The following MS4A18 variants were observed in gnomAD, a reference collection of about 807,000 sequenced individuals.
The protein encoded by MS4A18 is membrane spanning 4-domains A18.
Under a neutral mutation model 13.1 loss-of-function variants are expected in MS4A18, and 27 were observed. That is an observed-to-expected ratio of 2.06 (90% confidence interval 1.52 to 2.84). The LOEUF is 2.84. Among genes scored for constraint, MS4A18 ranks in the 30% most tolerant of loss-of-function variants. MS4A18 has a pLI of 0.00. For synonymous variants in MS4A18, 126 were observed against 76.5 expected, an observed-to-expected ratio of 1.65 and a Z score of -3.38; for missense variants, 307 against 196.4, an observed-to-expected ratio of 1.56 and a Z score of -3.37.
chr11:60,737,956 G>A (rs1439582968), intron 3 of MS4A18, among the ~76,000 whole-genome samples: 2 of 152,308 alleles, frequency 1.3e-5, no homozygotes, highest in Admixed American at 1.3e-4. Context: ...CACACCACCT[G>A]TTCATATCCC....
chr11:60,738,339 T>C (rs774482882), intron 3 of MS4A18, among the ~76,000 whole-genome samples: 41 of 152,218 alleles, frequency 2.7e-4, no homozygotes, highest in Non-Finnish European at 3.1e-4. Context: ...GCCAGGATGC[T>C]GGCCCCAGCC....
At chr11:60,740,259 C>T (rs1358591939) in intron 4 of MS4A18, among the ~76,000 whole-genome samples, 2 of 152,214 alleles carry the variant, frequency 1.3e-5, no homozygotes, top group Admixed American at 6.5e-5. Flanking sequence ...GGATCCCCAC[C>T]CTCTGCTCCA....
At chr11:60,731,727 A>AG (rs967975793) in intron 1 of MS4A18, among the ~76,000 whole-genome samples, 2 of 152,236 alleles carry the variant, frequency 1.3e-5, no homozygotes, top group African/African-American at 4.8e-5. Context: ...GTTCTCAAAC[A>AG]GTTGTTGGCC....
upstream of MS4A18, among the ~76,000 whole-genome samples, chr11:60,728,384 CTGTGTGTA>C (rs1465038094): frequency 6.6e-6 from 1 of 150,912 alleles, no homozygotes; most frequent in Non-Finnish European, 1.5e-5. Flanking sequence ...AAGGTAGTAT[CTGTGTGTA>C]TGTGTGTATG....
chr11:60,727,579 G>A (rs901968888), upstream of MS4A18, among the ~76,000 whole-genome samples: 2 of 152,104 alleles, frequency 1.3e-5, no homozygotes, highest in Admixed American at 6.6e-5. Flanking sequence ...CTGGGACAGG[G>A]GGATCAATTT....
At chr11:60,729,468 C>T in exon 1 of MS4A18, 1 of 702,828 alleles carries the variant, frequency 1.4e-6, no homozygotes, top group Non-Finnish European at 2.6e-6. Context: ...AAGTAATCCA[C>T]TGTGATACAG....
chr11:60,727,102 T>C (rs1350740664), upstream of MS4A18, among the ~76,000 whole-genome samples: 3 of 152,216 alleles, frequency 2.0e-5, no homozygotes, highest in Non-Finnish European at 4.4e-5. Context: ...CATTCTTTTT[T>C]ATGGCTGCAT....
chr11:60,729,686 T>C, exon 1 of MS4A18: 2 of 702,808 alleles, frequency 2.8e-6, no homozygotes, highest in Non-Finnish European at 5.2e-6. Context: ...AACCCTGGGC[T>C]GACACACACC....
At chr11:60,739,097 C>T in intron 4 of MS4A18, 100 bp downstream of exon 5, 2 of 658,924 alleles carry the variant, frequency 3.0e-6, no homozygotes, top group Admixed American at 4.5e-5. Context: ...GAATTCCATC[C>T]TAGTATGACA....
intron 2 of MS4A18, 148 bp from the exon 4 acceptor site, chr11:60,736,830 G>A (rs1355688095): frequency 3.9e-5 from 24 of 614,008 alleles, no homozygotes; most frequent in Non-Finnish European, 6.6e-5. Flanking sequence ...TAGTAAAAAT[G>A]TTGGGAGGAA....
intron 1 of MS4A18, among the ~76,000 whole-genome samples, chr11:60,732,730 C>CAAAAAAAAAAAAAAAAAAAAA: frequency 1.4e-5 from 1 of 71,012 alleles, no homozygotes; most frequent in East Asian, 3.2e-4. Flanking sequence ...GACTCCGTCT[C>CAAAAAAAAAAAAAAAAAAAAA]AAAAAAAAAA....
intron 1 of MS4A18, among the ~76,000 whole-genome samples, chr11:60,731,794 T>C (rs1167659473): frequency 6.6e-6 from 1 of 152,254 alleles, no homozygotes; most frequent in African/African-American, 2.4e-5. Flanking sequence ...ATGTTAGTTC[T>C]GTTTAGAAAT....
At chr11:60,735,688 C>T (rs1392498511) in intron 2 of MS4A18, among the ~76,000 whole-genome samples, 56 of 96,458 alleles carry the variant, frequency 5.8e-4, no homozygotes, top group Non-Finnish European at 7.7e-4. Flanking sequence ...TTTTTTGAGA[C>T]GGAGTCACTC....
exon 6 of MS4A18, chr11:60,743,972 C>T (rs1338534365): frequency 3.4e-5 from 24 of 702,708 alleles, no homozygotes; most frequent in Non-Finnish European, 4.9e-5. Context: ...AATGTACCCC[C>T]GAACCCTCGT....
At chr11:60,726,935 A>C (rs1853170156), upstream of MS4A18, among the ~76,000 whole-genome samples, 1 of 149,872 alleles carries the variant, frequency 6.7e-6, no homozygotes, top group African/African-American at 2.5e-5. Flanking sequence ...CTTGCCCCCC[A>C]ACCCTCCGAC....
chr11:60,739,769 G>T (rs55827407), intron 4 of MS4A18, among the ~76,000 whole-genome samples: 1 of 152,232 alleles, frequency 6.6e-6, no homozygotes, highest in Non-Finnish European at 1.5e-5. Flanking sequence ...CCATGCAAAT[G>T]AAAGTCAGGC....
upstream of MS4A18, among the ~76,000 whole-genome samples, chr11:60,724,783 C>T (rs916667098): frequency 2.0e-5 from 3 of 152,182 alleles, no homozygotes; most frequent in African/African-American, 7.2e-5. Context: ...AAAGACTTCC[C>T]AGGAGCACAA....
At chr11:60,724,818 G>C (rs765758997), upstream of MS4A18, among the ~76,000 whole-genome samples, 1 of 152,148 alleles carries the variant, frequency 6.6e-6, no homozygotes, top group Non-Finnish European at 1.5e-5. Flanking sequence ...GAATTCTTCC[G>C]CAAGACTCTG....
At chr11:60,737,121 G>C in intron 3 of MS4A18, 87 bp downstream of exon 4, 2 of 697,546 alleles carry the variant, frequency 2.9e-6, no homozygotes, top group Non-Finnish European at 2.6e-6. Context: ...CACAGTAGTG[G>C]TGTGGCCTGG....
Sources: allele counts gnomAD v4.1 joint callset (sites outside exome capture counted in the v4.1 genomes callset), GRCh38; gene constraint gnomAD v4.1.1; transcripts MANE v1.5; gene names NCBI Gene and HGNC (gene_info 2026-07-23, HGNC 2026-07-21).